Variants in ATG10 observed in about 807,000 individuals in gnomAD.
ATG10 encodes the protein ubiquitin-like-conjugating enzyme ATG10.
In ATG10, 30 loss-of-function variants were observed where a neutral mutation model predicts 32.1. The ratio of observed to expected loss-of-function variants is 0.94; its 90% CI spans 0.70 to 1.27. The LOEUF (loss-of-function observed/expected upper bound fraction) is 1.27, where lower values mean the gene tolerates loss of function less well. Ranked by LOEUF, ATG10 falls within the 50% of genes most tolerant of loss-of-function variation. The pLI, the probability that ATG10 is intolerant of heterozygous loss-of-function variation, is 0.00. For synonymous variants in ATG10, 87 were observed against 91.5 expected, an observed-to-expected ratio of 0.95 and a Z score of 0.28; for missense variants, 233 against 262.3, an observed-to-expected ratio of 0.89 and a Z score of 0.77.
chr5:82,209,621 T>TA (rs1414860633), intron 5 of ATG10, among the ~76,000 whole-genome samples: 1 of 152,244 alleles, frequency 6.6e-6, no homozygotes, highest in East Asian at 1.9e-4. Flanking sequence ...GTATTGTTGT[T>TA]ACAGCAGTCT....
At chr5:82,022,390 A>T (rs1436928775) in intron 2 of ATG10, among the ~76,000 whole-genome samples, 1 of 146,152 alleles carries the variant, frequency 6.8e-6, no homozygotes, top group African/African-American at 2.5e-5. Context: ...GTGCAGTGGC[A>T]TGATTTCAGC....
At chr5:82,114,611 C>G (rs943272938) in intron 3 of ATG10, among the ~76,000 whole-genome samples, 2 of 151,960 alleles carry the variant, frequency 1.3e-5, no homozygotes, top group Admixed American at 1.3e-4. Context: ...GGAAGGATAG[C>G]CCACCTGTAG....
At chr5:82,016,265 A>G (rs995880654) in intron 2 of ATG10, among the ~76,000 whole-genome samples, 2 of 152,190 alleles carry the variant, frequency 1.3e-5, no homozygotes, top group Admixed American at 6.5e-5. Flanking sequence ...ATAAGGTGAG[A>G]GAGAGGCGAG....
chr5:82,190,812 A>G (rs1247539964), intron 5 of ATG10, among the ~76,000 whole-genome samples: 1 of 149,622 alleles, frequency 6.7e-6, no homozygotes, highest in Non-Finnish European at 1.5e-5. Flanking sequence ...AAATGGGGAG[A>G]ATTCCATTGT....
intron 5 of ATG10, among the ~76,000 whole-genome samples, chr5:82,193,068 A>G (rs1744720631): frequency 6.6e-6 from 1 of 152,162 alleles, no homozygotes; most frequent in African/African-American, 2.4e-5. Context: ...CAAGGCTACA[A>G]TGGCAGCAGA....
At position 82,255,847 on chromosome 5, in the gene ATG10, G is replaced by C. The variant is rs1747442509; in HGVS notation, c.*1784G>C. On this transcript the variant is annotated 3_prime_UTR_variant, in exon 8 of 8. Transcript: ENST00000282185. ...ACAGCACCCTCAGTCCACGTCTGCA[G>C]ATTAAGAGCTGAACTCTCACAGAGA... 2.0e-5 allele frequency: 3 copies of C among 152,216 alleles called. No homozygotes were observed. The highest frequency in any genetic ancestry group is 2.0e-4 in the Admixed American group (3 of 15,282). 9.4% of individuals were successfully genotyped at this position (152,216 alleles called of 1,614,324 possible). A position where few individuals can be genotyped will look rare whatever the true frequency, so the allele number is the denominator to read the frequency against.
chr5:82,240,413 C>T (rs553499740), intron 5 of ATG10, among the ~76,000 whole-genome samples: 8 of 152,134 alleles, frequency 5.3e-5, no homozygotes, highest in Non-Finnish European at 1.0e-4. Context: ...ATAAGCCAAG[C>T]ACAGAAAGAC....
intron 3 of ATG10, among the ~76,000 whole-genome samples, chr5:82,153,910 A>AT (rs11346832): frequency 2.3e-5 from 3 of 130,092 alleles, no homozygotes; most frequent in African/African-American, 2.8e-5. Flanking sequence ...CCTGCTGCCT[A>AT]TTTTTTTTTT....
intron 3 of ATG10, among the ~76,000 whole-genome samples, chr5:82,127,552 A>G (rs527289595): frequency 6.6e-6 from 1 of 152,158 alleles, no homozygotes; most frequent in Non-Finnish European, 1.5e-5. Context: ...CCCAGTGGTC[A>G]TTCAGGAGCA....
rs369080081 is a variant in ATG10 at position 82,091,445 on chromosome 5, A to G, written c.216+32843A>G. ...GATACTCATAGGGGAAATTTTGACA[A>G]TGGAGTAGAGCTAAAAGGAGGCAAT... On this transcript the variant is annotated intron_variant, in intron 3 of 7. Transcript: ENST00000282185. Among the ~76,000 whole-genome samples the G allele has an allele frequency of 1.4e-3, 220 of 152,174 alleles. 2 individuals carry two copies. Among genetic ancestry groups the G allele is most frequent in the African/African-American group, 5.0e-3 (209 of 41,524 alleles).
At chr5:82,005,610 G>T (rs1018268879) in intron 2 of ATG10, among the ~76,000 whole-genome samples, 2 of 152,024 alleles carry the variant, frequency 1.3e-5, no homozygotes, top group African/African-American at 4.8e-5. Context: ...TTCTTTTTGG[G>T]ATTTGTGCAA....
intron 3 of ATG10, among the ~76,000 whole-genome samples, chr5:82,102,369 C>G (rs1765307596): frequency 6.6e-6 from 1 of 152,054 alleles, no homozygotes; most frequent in African/African-American, 2.4e-5. Context: ...CTATTGTGTC[C>G]TTCCCTGCCT....
At chr5:82,122,822 C>A (rs1040174393) in intron 3 of ATG10, among the ~76,000 whole-genome samples, 1 of 152,168 alleles carries the variant, frequency 6.6e-6, no homozygotes, top group Non-Finnish European at 1.5e-5. Flanking sequence ...CCATCTTACA[C>A]CATACAGACG....
rs566966062 is a variant in ATG10 at position 82,087,162 on chromosome 5, G to A, written c.216+28560G>A. Among the ~76,000 whole-genome samples the A allele has an allele frequency of 7.9e-5, 12 of 152,244 alleles. No homozygotes were observed. In the East Asian group the frequency reaches 2.3e-3, roughly 29 times the overall value. ...TTTAGACAGGGTTTATGCATCAAAA[G>A]TCAAATGGCAATTCACAGCAATGAC... On this transcript the variant is annotated intron_variant, in intron 3 of 7. Coordinates refer to ENST00000282185, the MANE Select transcript of ATG10 (RefSeq NM_031482.5).
chr5:82,018,288 A>G (rs1205121678), intron 2 of ATG10, among the ~76,000 whole-genome samples: 1 of 152,066 alleles, frequency 6.6e-6, no homozygotes, highest in Non-Finnish European at 1.5e-5. Context: ...CATCTAATCC[A>G]TTAGGAAATC....
At position 81,972,038 on chromosome 5, in the gene ATG10, C is replaced by A. The variant is rs576042909; in HGVS notation, c.-281C>A. ...GCGGGAAGGCGCAGTGCGCACGCTCCGACTCGGCCGTGGCGGACCTGACTG... is the reference window on the plus strand; with the variant it reads ...GCGGGAAGGCGCAGTGCGCACGCTCAGACTCGGCCGTGGCGGACCTGACTG... On this transcript the variant is annotated 5_prime_UTR_variant, in exon 1 of 8. Coordinates refer to ENST00000282185, the MANE Select transcript of ATG10 (RefSeq NM_031482.5). 6.6e-6 allele frequency: 1 copy of A among 152,094 alleles called. No individual in the cohort carries two copies. Among genetic ancestry groups the A allele is most frequent in the Admixed American group, 6.5e-5 (1 of 15,282 alleles). The allele number at this position is 152,094 out of a possible 1,614,324, so 9.4% of individuals were successfully genotyped here.
chr5:82,104,706 T>C (rs369838585), intron 3 of ATG10, among the ~76,000 whole-genome samples: 1 of 152,102 alleles, frequency 6.6e-6, no homozygotes, highest in African/African-American at 2.4e-5. Context: ...AATTAAATTA[T>C]CTGTCCAGCA....
intron 5 of ATG10, among the ~76,000 whole-genome samples, chr5:82,191,601 T>A (rs533286684): frequency 8.5e-5 from 13 of 152,158 alleles, no homozygotes; most frequent in Admixed American, 1.3e-4. Context: ...GACATCTAAG[T>A]AAGAGAACTG....
At chr5:81,987,224 G>A (rs1182580753) in intron 1 of ATG10, among the ~76,000 whole-genome samples, 1 of 152,196 alleles carries the variant, frequency 6.6e-6, no homozygotes, top group Non-Finnish European at 1.5e-5. Context: ...CTGGTCTCAA[G>A]TGATCCTCCT....
Sources: allele counts gnomAD v4.1 joint callset (sites outside exome capture counted in the v4.1 genomes callset), GRCh38; gene constraint gnomAD v4.1.1; transcripts MANE v1.5; gene names NCBI Gene and HGNC (gene_info 2026-07-23, HGNC 2026-07-21).